GRAMD2B: variants seen among roughly 807,000 people sequenced by gnomAD.
The protein encoded by GRAMD2B is GRAM domain containing 2B, also known as GRAM domain-containing protein 2B.
In GRAMD2B, 41 loss-of-function variants were observed where a neutral mutation model predicts 59.2. The observed-to-expected ratio is 0.69, with a 90% CI of 0.54 to 0.90. The LOEUF is 0.90. GRAMD2B is among the 40% of genes least tolerant of loss of function. GRAMD2B has a pLI of 0.00. For missense variants in GRAMD2B, 424 were observed against 500.5 expected, an observed-to-expected ratio of 0.85 and a Z score of 1.46; for synonymous variants, 161 against 182.7, an observed-to-expected ratio of 0.88 and a Z score of 0.96.
intron 1 of GRAMD2B, among the ~76,000 whole-genome samples, chr5:126,399,967 T>C (rs1757684360): frequency 6.6e-6 from 1 of 152,130 alleles, no homozygotes; most frequent in Non-Finnish European, 1.5e-5. Flanking sequence ...CCATTTACAT[T>C]CATAGTAATT....
intron 11 of GRAMD2B, among the ~76,000 whole-genome samples, chr5:126,486,260 A>G (rs1394812054): frequency 2.6e-5 from 4 of 152,240 alleles, no homozygotes; most frequent in Non-Finnish European, 4.4e-5. Flanking sequence ...GTCATTCTAC[A>G]GTGATATTCA....
At chr5:126,419,663 C>T (rs183056173), upstream of GRAMD2B, among the ~76,000 whole-genome samples, 3 of 152,296 alleles carry the variant, frequency 2.0e-5, no homozygotes, top group East Asian at 5.8e-4. Flanking sequence ...TATCAAACAT[C>T]AAAGCTGTTT....
At chr5:126,455,123 C>T (rs995976075) in intron 1 of GRAMD2B, among the ~76,000 whole-genome samples, 5 of 152,152 alleles carry the variant, frequency 3.3e-5, no homozygotes, top group African/African-American at 7.2e-5. Flanking sequence ...TTCCCTCCAA[C>T]GCAGTGTCTG....
At chr5:126,489,352 A>G (rs1426454822) in intron 13 of GRAMD2B, among the ~76,000 whole-genome samples, 3 of 152,226 alleles carry the variant, frequency 2.0e-5, no homozygotes, top group African/African-American at 4.8e-5. Flanking sequence ...ATTGTTCCCT[A>G]TCTGATAGGG....
At chr5:126,442,897 T>G (rs552580084) in intron 1 of GRAMD2B, among the ~76,000 whole-genome samples, 1 of 152,266 alleles carries the variant, frequency 6.6e-6, no homozygotes, top group South Asian at 2.1e-4. Context: ...AAAACTCAGA[T>G]GTGGCCCATA....
At chr5:126,392,608 G>A (rs552528544) in intron 1 of GRAMD2B, among the ~76,000 whole-genome samples, 1 of 151,988 alleles carries the variant, frequency 6.6e-6, no homozygotes, top group Non-Finnish European at 1.5e-5. Flanking sequence ...CAAGTGGTCC[G>A]CAACCTTTTT....
chr5:126,396,184 CT>C (rs1334084550), intron 1 of GRAMD2B, among the ~76,000 whole-genome samples: 1 of 151,968 alleles, frequency 6.6e-6, no homozygotes, highest in Non-Finnish European at 1.5e-5. Flanking sequence ...TTCAATTTAA[CT>C]TTTATTTTAA....
intron 3 of GRAMD2B, among the ~76,000 whole-genome samples, chr5:126,470,772 T>G (rs181462037): frequency 4.3e-4 from 65 of 152,228 alleles, no homozygotes; most frequent in African/African-American, 1.6e-3. Context: ...TTAGCCAGGC[T>G]CATCTCAAAC....
intron 1 of GRAMD2B, among the ~76,000 whole-genome samples, chr5:126,433,129 A>G (rs1040715970): frequency 6.6e-6 from 1 of 152,246 alleles, no homozygotes; most frequent in Non-Finnish European, 1.5e-5. Flanking sequence ...AGAAGAAACT[A>G]AGTAGCTCCA....
At chr5:126,486,725 G>C (rs1459259937) in intron 11 of GRAMD2B, 148 bp from the exon 12 acceptor site, 1 of 597,844 alleles carries the variant, frequency 1.7e-6, no homozygotes, top group Non-Finnish European at 3.0e-6. Context: ...GCATCAGCCT[G>C]TTTAAAAAGG....
At chr5:126,379,056 C>A (rs1755440779) in intron 1 of GRAMD2B, among the ~76,000 whole-genome samples, 1 of 152,058 alleles carries the variant, frequency 6.6e-6, no homozygotes, top group Non-Finnish European at 1.5e-5. Flanking sequence ...CCCTCACCCC[C>A]CTCCCACCCT....
At chr5:126,381,856 G>T (rs796278519) in intron 1 of GRAMD2B, among the ~76,000 whole-genome samples, 4 of 152,136 alleles carry the variant, frequency 2.6e-5, no homozygotes, top group African/African-American at 9.6e-5. Flanking sequence ...ACGATTTAGA[G>T]CTCCTTTAGC....
intron 9 of GRAMD2B, 184 bp downstream of exon 9, chr5:126,483,758 T>C: frequency 1.8e-6 from 1 of 547,822 alleles, no homozygotes; most frequent in South Asian, 2.7e-5. Flanking sequence ...GAATTGCCTA[T>C]GTGGTAAAAA....
At chr5:126,481,227 GAAAGAAAGAAAGAAAGAAAGAA>G (rs1771753596) in intron 8 of GRAMD2B, among the ~76,000 whole-genome samples, 2 of 34,734 alleles carry the variant, frequency 5.8e-5, no homozygotes, top group South Asian at 6.0e-4. Context: ...AAGAAAGAAA[GAAAGAAAGAAAGAAAGAAAGAA>G]AAGAAAAAAA....
rs557111393 is a variant in GRAMD2B at position 126,376,214 on chromosome 5, C to T, written c.125+4647C>T. Among the ~76,000 whole-genome samples the T allele has an allele frequency of 3.9e-5, 6 of 152,220 alleles. No individual in the cohort carries two copies. In the East Asian group the frequency reaches 9.6e-4, roughly 24 times the overall value. ...TAGTGTGTAGAATAGGACACCATGG[C>T]CTTTGGGAGTACAAACAAGGCCCAA... On this transcript the variant is annotated intron_variant, in intron 1 of 8. Transcript: ENST00000506445.
intron 8 of GRAMD2B, 27 bp from the exon 9 acceptor site, chr5:126,483,436 T>C: frequency 7.2e-7 from 1 of 1,394,950 alleles, no homozygotes; most frequent in Non-Finnish European, 1.0e-6. Context: ...AATATCAGCC[T>C]GTCTTCATTT....
intron 3 of GRAMD2B, among the ~76,000 whole-genome samples, 190 bp downstream of exon 3, chr5:126,469,978 C>A (rs1230278930): frequency 6.6e-6 from 1 of 152,202 alleles, no homozygotes; most frequent in Admixed American, 6.5e-5. Flanking sequence ...TATTCCACAA[C>A]TCATTTTTCA....
intron 1 of GRAMD2B, among the ~76,000 whole-genome samples, chr5:126,398,939 C>T (rs1757593957): frequency 6.6e-6 from 1 of 152,038 alleles, no homozygotes; most frequent in African/African-American, 2.4e-5. Flanking sequence ...TAGTTTCATT[C>T]CATTGTGGTT....
At chr5:126,447,431 G>A (rs1025669276) in intron 1 of GRAMD2B, among the ~76,000 whole-genome samples, 3 of 152,202 alleles carry the variant, frequency 2.0e-5, no homozygotes, top group African/African-American at 7.2e-5. Context: ...GGGAGGCCAA[G>A]GCGGGCAGAT....
Sources: gnomAD v4.1 joint callset for allele counts (sites outside exome capture counted in the v4.1 genomes callset) on GRCh38, gnomAD v4.1.1 for gene constraint, MANE v1.5 for transcripts, NCBI Gene and HGNC (gene_info 2026-07-23, HGNC 2026-07-21) for gene names.